ZNF420: variants seen among roughly 807,000 people sequenced by gnomAD.
The protein encoded by ZNF420 is zinc finger protein 420.
ZNF420 carries 31 observed loss-of-function variants against 44.7 expected under a neutral mutation model. The ratio of observed to expected loss-of-function variants is 0.69; its 90% CI spans 0.52 to 0.94. ZNF420 has a LOEUF of 0.94. Ranked by LOEUF, ZNF420 falls within the 40% of genes least tolerant of loss-of-function variation. The pLI is 0.00. For missense variants in ZNF420, 681 were observed against 827.9 expected, an observed-to-expected ratio of 0.82 and a Z score of 2.18; for synonymous variants, 245 against 267.4, an observed-to-expected ratio of 0.92 and a Z score of 0.82.
At chr19:37,047,140 A>G (rs954533602) in intron 1 of ZNF420, among the ~76,000 whole-genome samples, 3 of 152,274 alleles carry the variant, frequency 2.0e-5, no homozygotes, top group African/African-American at 7.2e-5. Context: ...AAGCCATTTG[A>G]AAAACAGAAA....
At chr19:37,042,833 T>C (rs1967479654) in intron 1 of ZNF420, among the ~76,000 whole-genome samples, 1 of 152,244 alleles carries the variant, frequency 6.6e-6, no homozygotes, top group South Asian at 2.1e-4. Context: ...TTAAGCCTAA[T>C]CGTTTCTTGG....
At chr19:37,056,161 G>T (rs1273075441) in intron 1 of ZNF420, among the ~76,000 whole-genome samples, 1 of 152,034 alleles carries the variant, frequency 6.6e-6, no homozygotes, top group African/African-American at 2.4e-5. Flanking sequence ...CTGGGTACAG[G>T]GGAGGCTGTG....
chr19:37,042,385 A>C (rs974760415), intron 1 of ZNF420, among the ~76,000 whole-genome samples: 2 of 152,268 alleles, frequency 1.3e-5, no homozygotes, highest in African/African-American at 4.8e-5. Flanking sequence ...ATAGTCTTTA[A>C]TGTGTTCATC....
chr19:37,129,848 C>A lies in ZNF420; in HGVS notation c.*790C>A. ...AGTGATTTTTAACGAAGTCTAAGAT[C>A]CAAAGTCTAATAAATCTAGGAATTT... On this transcript the variant is annotated 3_prime_UTR_variant, in exon 5 of 5. Transcript: ENST00000337995. The A allele has an allele frequency of 1.4e-6, 1 of 725,068 alleles. No homozygotes were observed. The highest frequency in any genetic ancestry group is 4.4e-4 in the Middle Eastern group (1 of 2,294). The allele number at this position is 725,068 out of a possible 1,614,324, so 44.9% of individuals were successfully genotyped here. A position where few individuals can be genotyped will look rare whatever the true frequency, so the allele number is the denominator to read the frequency against.
At chr19:37,075,627 A>C (rs1968132328), upstream of ZNF420, among the ~76,000 whole-genome samples, 1 of 152,098 alleles carries the variant, frequency 6.6e-6, no homozygotes, top group Non-Finnish European at 1.5e-5. Context: ...CTGTAATCCC[A>C]GCTACTCGGG....
intron 4 of ZNF420, among the ~76,000 whole-genome samples, chr19:37,101,528 G>A (rs777579755): frequency 6.6e-6 from 1 of 152,228 alleles, no homozygotes; most frequent in Non-Finnish European, 1.5e-5. Flanking sequence ...CAAGTTCACA[G>A]TCTAGCTTTG....
intron 1 of ZNF420, among the ~76,000 whole-genome samples, chr19:37,047,369 C>G (rs1180121495): frequency 3.9e-5 from 6 of 152,190 alleles, no homozygotes; most frequent in Non-Finnish European, 7.3e-5. Context: ...TGTGAGGACA[C>G]AGTGCATCCC....
chr19:37,014,189 G>A (rs1379793995), intron 1 of ZNF420, among the ~76,000 whole-genome samples: 1 of 151,886 alleles, frequency 6.6e-6, no homozygotes, highest in Admixed American at 6.6e-5. Context: ...ACGGAAAATC[G>A]TTCCTGCCTT....
At chr19:37,127,103 T>G in intron 4 of ZNF420, 25 bp from the exon 5 acceptor site, 1 of 1,444,550 alleles carries the variant, frequency 6.9e-7, no homozygotes, top group Non-Finnish European at 9.1e-7. Flanking sequence ...ATTTCTCAAT[T>G]TTTTTATTCT....
At chr19:37,023,147 GA>G (rs112331823) in intron 1 of ZNF420, among the ~76,000 whole-genome samples, 9 of 147,672 alleles carry the variant, frequency 6.1e-5, no homozygotes, top group East Asian at 4.1e-4. Context: ...CAAAGAAAAA[GA>G]AAAAAAAAAG....
chr19:37,033,913 CG>C (rs1479806615), intron 1 of ZNF420, among the ~76,000 whole-genome samples: 4 of 152,116 alleles, frequency 2.6e-5, no homozygotes, highest in Non-Finnish European at 5.9e-5. Context: ...CACAGCACCA[CG>C]CCTGGCTAAT....
intron 1 of ZNF420, among the ~76,000 whole-genome samples, chr19:37,043,679 G>A (rs1235492879): frequency 6.6e-6 from 1 of 152,136 alleles, no homozygotes; most frequent in Non-Finnish European, 1.5e-5. Flanking sequence ...CACCATGTTG[G>A]TCAGTCTGGT....
intron 1 of ZNF420, among the ~76,000 whole-genome samples, chr19:37,013,122 A>G (rs2146370858): frequency 6.6e-6 from 1 of 152,026 alleles, no homozygotes; most frequent in East Asian, 1.9e-4. Flanking sequence ...TCCAAGATCA[A>G]GACGACCACC....
intron 1 of ZNF420, among the ~76,000 whole-genome samples, chr19:37,059,096 AGAG>A (rs1437196492): frequency 6.6e-6 from 1 of 152,182 alleles, no homozygotes; most frequent in Admixed American, 6.5e-5. Flanking sequence ...TCGGATCTGA[AGAG>A]GAGTCCTGAG....
intron 4 of ZNF420, among the ~76,000 whole-genome samples, chr19:37,098,488 CT>C (rs1288265842): frequency 5.3e-5 from 8 of 152,098 alleles, no homozygotes; most frequent in African/African-American, 1.9e-4. Flanking sequence ...TGTTTTTCAT[CT>C]GTTTCATCCA....
rs764892812 is a variant in ZNF420 at position 37,127,519 on chromosome 19, T to C, written c.528T>C (p.Phe176=). Residue 176 remains phenylalanine, a synonymous_variant, in exon 5 of 5, where the codon TTT becomes TTC. Coordinates refer to ENST00000337995, the MANE Select transcript of ZNF420 (RefSeq NM_144689.5). ...AATGTAAGCAATGCGGGAAGGCCTT[T>C]AGTCGTGATTCACAACTCAGTCTTC... ...PYECKQCGKA[F]SRDSQLSLHQ... 3.7e-6 allele frequency: 6 copies of C among 1,613,902 alleles called. No individual in the cohort carries two copies. The highest frequency in any genetic ancestry group is 5.1e-6 in the Non-Finnish European group (6 of 1,179,838).
chr19:37,079,396 G>A (rs2146475169), intron 1 of ZNF420, among the ~76,000 whole-genome samples: 1 of 152,280 alleles, frequency 6.6e-6, no homozygotes, highest in South Asian at 2.1e-4. Context: ...TATGGATTGT[G>A]AGTCCCATGT....
chr19:37,027,224 G>C (rs879835840), intron 1 of ZNF420, among the ~76,000 whole-genome samples: 1 of 152,104 alleles, frequency 6.6e-6, no homozygotes, highest in Non-Finnish European at 1.5e-5. Context: ...CTGCACTCCA[G>C]CCTGAGTGAC....
At chr19:37,032,520 A>AAAAAAG (rs1967280954) in intron 1 of ZNF420, among the ~76,000 whole-genome samples, 1 of 151,398 alleles carries the variant, frequency 6.6e-6, no homozygotes, top group Non-Finnish European at 1.5e-5. Flanking sequence ...AAAAAAAAAA[A>AAAAAAG]AAAGGCTGGG....
Sources: gnomAD v4.1 joint callset for allele counts (sites outside exome capture counted in the v4.1 genomes callset) on GRCh38, gnomAD v4.1.1 for gene constraint, MANE v1.5 for transcripts, NCBI Gene and HGNC (gene_info 2026-07-23, HGNC 2026-07-21) for gene names.